Variants in CUL1 observed in about 807,000 individuals in gnomAD.
CUL1 encodes the protein cullin 1, also known as cullin-1.
A neutral mutation model predicts 118.0 loss-of-function variants in CUL1; 24 were observed. The ratio of observed to expected loss-of-function variants is 0.20; its 90% CI spans 0.15 to 0.29. The LOEUF (loss-of-function observed/expected upper bound fraction) is 0.29. Ranked by LOEUF, CUL1 falls within the 10% of genes least tolerant of loss-of-function variation. The pLI, the probability that CUL1 is intolerant of heterozygous loss-of-function variation, is 1.00. For missense variants in CUL1, 361 were observed against 933.8 expected (o/e 0.39, Z 7.99); for synonymous variants, 332 against 340.4 (o/e 0.98, Z 0.27).
intron 9 of CUL1, chr7:148,783,296 G>A: frequency 1.0e-6 from 1 of 983,762 alleles, no homozygotes; most frequent in Non-Finnish European, 1.2e-6. Flanking sequence ...TCGCCACGCG[G>A]ATCCGCGCCT....
At chr7:148,739,775 C>T (rs984412355) in intron 2 of CUL1, among the ~76,000 whole-genome samples, 2 of 152,072 alleles carry the variant, frequency 1.3e-5, no homozygotes, top group Admixed American at 6.6e-5. Context: ...GCAGTTATTG[C>T]CTCTGTGACA....
At position 148,784,752 on chromosome 7, in the gene CUL1, A is replaced by G. The variant is rs150512202; in HGVS notation, c.1298+675A>G. ...TTGCAATAGTTTTCCACACGCCAAA[A>G]TTATATTGGTTTTGATATTAATAAA... On this transcript the variant is annotated intron_variant, in intron 11 of 21. Coordinates refer to ENST00000325222, the MANE Select transcript of CUL1 (RefSeq NM_003592.3). 5.3e-5 allele frequency among the ~76,000 whole-genome samples: 8 copies of G among 152,310 alleles called. No individual in the cohort carries two copies. In the East Asian group the frequency reaches 1.2e-3, roughly 22 times the overall value.
intron 9 of CUL1, 126 bp from the exon 10 acceptor site, chr7:148,783,657 C>G (rs1442601158): frequency 1.3e-6 from 2 of 1,553,610 alleles, no homozygotes; most frequent in Non-Finnish European, 1.7e-6. Flanking sequence ...GCTCTTATCT[C>G]TTAACTTTGA....
intron 9 of CUL1, among the ~76,000 whole-genome samples, chr7:148,769,397 T>TCACACACACA (rs55858322): frequency 0.012 from 1,492 of 129,060 alleles, 19 homozygotes; most frequent in African/African-American, 0.019. Context: ...AGGGCCTGAT[T>TCACACACACA]CACACACACA....
intron 2 of CUL1, among the ~76,000 whole-genome samples, chr7:148,741,698 C>T (rs546450301): frequency 6.4e-4 from 76 of 118,072 alleles, no homozygotes; most frequent in African/African-American, 2.8e-3. Flanking sequence ...CTCAGCCTCC[C>T]GAGTAGCTGG....
chr7:148,786,528 T>C, intron 11 of CUL1, 23 bp from the exon 12 acceptor site: 1 of 1,594,932 alleles, frequency 6.3e-7, no homozygotes, highest in Non-Finnish European at 8.6e-7. Context: ...TTTTAAAACA[T>C]GGTATCTTTT....
At chr7:148,704,190 A>T (rs1472127378) in intron 1 of CUL1, among the ~76,000 whole-genome samples, 1 of 144,366 alleles carries the variant, frequency 6.9e-6, no homozygotes, top group Non-Finnish European at 1.5e-5. Flanking sequence ...AAATGGGCAA[A>T]CTGGTAATTT....
At position 148,767,648 on chromosome 7, in the gene CUL1, A is replaced by G; in HGVS notation, c.982A>G (p.Arg328Gly). The G allele has an allele frequency of 6.2e-7, 1 of 1,614,052 alleles. No individual in the cohort carries two copies. The highest frequency in any genetic ancestry group is 8.5e-7 in the Non-Finnish European group (1 of 1,179,952). ...DLGRMYNLVS[R>G]IQDGLGELKK... ...GGGACGCATGTATAATCTTGTATCTAGAATCCAGGATGGCCTAGGAGAATT... is the reference window on the plus strand; with the variant it reads ...GGGACGCATGTATAATCTTGTATCTGGAATCCAGGATGGCCTAGGAGAATT... Residue 328 changes from arginine (R) to glycine (G), a missense_variant, in exon 9 of 22, where the codon AGA becomes GGA. By Grantham distance (125) the Arg-to-Gly change is moderately radical. This residue lies in a region of CUL1 where 169 missense variants were observed against 429.7 expected (regional missense o/e 0.39). Transcript: ENST00000325222.
At chr7:148,728,101 A>G (rs1798644758) in intron 1 of CUL1, among the ~76,000 whole-genome samples, 1 of 152,128 alleles carries the variant, frequency 6.6e-6, no homozygotes, top group South Asian at 2.1e-4. Context: ...AGTGGAGATG[A>G]GCTAATGCAT....
chr7:148,768,676 C>T lies in CUL1; in HGVS notation c.1083+927C>T, dbSNP rs143043711. On this transcript the variant is annotated intron_variant, in intron 9 of 21. Coordinates refer to ENST00000325222, the MANE Select transcript of CUL1 (RefSeq NM_003592.3). Reference sequence around the variant, plus strand: ...CTGAGATTACAGGCGTGAGTCGTCACGTGCGGCCGAGAAGAAAAGTTTCTA... The same window carrying T: ...CTGAGATTACAGGCGTGAGTCGTCATGTGCGGCCGAGAAGAAAAGTTTCTA... Among the ~76,000 whole-genome samples, 599 of 152,254 alleles carry T rather than the reference C, an allele frequency of 3.9e-3. 4 individuals carry two copies. Among genetic ancestry groups the T allele is most frequent in the African/African-American group, 0.013 (555 of 41,548 alleles).
At chr7:148,755,433 T>C (rs1799624835) in intron 3 of CUL1, among the ~76,000 whole-genome samples, 1 of 152,264 alleles carries the variant, frequency 6.6e-6, no homozygotes, top group Non-Finnish European at 1.5e-5. Flanking sequence ...TTTACCTAAT[T>C]TATTTTTGCA....
intron 1 of CUL1, among the ~76,000 whole-genome samples, chr7:148,722,437 A>G (rs1036689042): frequency 4.6e-5 from 7 of 151,918 alleles, no homozygotes; most frequent in African/African-American, 1.7e-4. Flanking sequence ...CTTCAACCCC[A>G]TTGCTCTTCC....
At chr7:148,790,217 A>T (rs1342181932) in intron 15 of CUL1, 93 bp from the exon 16 acceptor site, 19 of 1,342,724 alleles carry the variant, frequency 1.4e-5, no homozygotes, top group Middle Eastern at 4.4e-4. Context: ...CTGACTTTGT[A>T]CTGTAAGCTT....
chr7:148,756,880 C>T (rs1360261661), intron 3 of CUL1, 103 bp from the exon 4 acceptor site: 1 of 672,398 alleles, frequency 1.5e-6, no homozygotes, highest in Non-Finnish European at 2.3e-6. Context: ...TCTAAAATCA[C>T]ATGTGTCAAT....
At chr7:148,710,958 G>A (rs1326749989) in intron 1 of CUL1, among the ~76,000 whole-genome samples, 2 of 151,972 alleles carry the variant, frequency 1.3e-5, no homozygotes, top group African/African-American at 4.8e-5. Context: ...AGGAGCCATC[G>A]TGCCCAGCCC....
In CUL1 at chr7:148,740,208, A is replaced by C. The variant is rs547793383; in HGVS notation, c.140+9946A>C. Reference sequence around the variant, plus strand: ...GCTGGGATTACAGACGCACGCCACCACGCCTAGCTAATTTTTTTGTATTTT... The same window carrying C: ...GCTGGGATTACAGACGCACGCCACCCCGCCTAGCTAATTTTTTTGTATTTT... On this transcript the variant is annotated intron_variant, in intron 2 of 21. Coordinates refer to ENST00000325222, the MANE Select transcript of CUL1 (RefSeq NM_003592.3). Among the ~76,000 whole-genome samples, 15 of 152,068 alleles carry C rather than the reference A, an allele frequency of 9.9e-5. No homozygotes were observed. In the South Asian group the frequency reaches 3.1e-3, roughly 32 times the overall value.
In CUL1 at chr7:148,725,219, G is replaced by GCACACACACACACACACACACA; in HGVS notation, c.-161-4742_-161-4741insACACACACACACACACACACAC. 6.6e-4 allele frequency among the ~76,000 whole-genome samples: 93 copies of GCACACACACACACACACACACA among 140,144 alleles called. 1 individual carries two copies. Among genetic ancestry groups the GCACACACACACACACACACACA allele is most frequent in the Admixed American group, 1.1e-3 (16 of 14,190 alleles). The allele number at this position is 140,144 out of a possible 152,430, so 91.9% of individuals were successfully genotyped here. A position where few individuals can be genotyped will look rare whatever the true frequency, so the allele number is the denominator to read the frequency against. The stretch of plus-strand genomic sequence containing the variant: ...CGTGTACACACACACACACGCGCGC[G>GCACACACACACACACACACACA]CTCACACACACACACACACACACAC... On this transcript the variant is annotated intron_variant, in intron 1 of 21. Transcript: ENST00000325222.
intron 11 of CUL1, among the ~76,000 whole-genome samples, chr7:148,784,715 T>A (rs897683681): frequency 2.0e-5 from 3 of 152,212 alleles, no homozygotes; most frequent in African/African-American, 2.4e-5. Flanking sequence ...CTAATCTCCT[T>A]CTGGCTTTCT....
intron 16 of CUL1, among the ~76,000 whole-genome samples, chr7:148,791,363 A>G (rs888080013): frequency 1.3e-5 from 2 of 152,224 alleles, no homozygotes; most frequent in African/African-American, 4.8e-5. Context: ...ATTAATTTAA[A>G]CTTTTCGTAA....
Sources: allele counts gnomAD v4.1 joint callset (sites outside exome capture counted in the v4.1 genomes callset), GRCh38; gene constraint gnomAD v4.1.1; regional missense constraint gnomAD v4.1.1; transcripts MANE v1.5; gene names NCBI Gene and HGNC (gene_info 2026-07-23, HGNC 2026-07-21).